Variants in NRG1 observed in about 807,000 individuals in gnomAD.
NRG1 encodes pro-neuregulin-1, membrane-bound isoform.
In NRG1, 18 loss-of-function variants were observed where a neutral mutation model predicts 63.8. The observed-to-expected ratio is 0.28, with a 90% CI of 0.19 to 0.42. The LOEUF (loss-of-function observed/expected upper bound fraction) is 0.42. Ranked by LOEUF, NRG1 falls within the 10% of genes least tolerant of loss-of-function variation. NRG1 has a pLI of 1.00. For synonymous variants in NRG1, 302 were observed against 301.3 expected, an observed-to-expected ratio of 1.00 and a Z score of -0.02; for missense variants, 762 against 814.7, an observed-to-expected ratio of 0.94 and a Z score of 0.79.
At chr8:32,617,001 G>A (rs537432736) in intron 5 of NRG1, 116 bp downstream of exon 5, 1 of 753,548 alleles carries the variant, frequency 1.3e-6, no homozygotes, top group South Asian at 1.6e-5. Context: ...ATTGAGTTTG[G>A]CAATAGGTGG....
chr8:31,728,915 C>T (rs772144131), intron 1 of NRG1, among the ~76,000 whole-genome samples: 1 of 151,906 alleles, frequency 6.6e-6, no homozygotes, highest in African/African-American at 2.4e-5. Flanking sequence ...TTTGGTGAGC[C>T]AAAGAGAACA....
Position 32,183,498 on chromosome 8 carries a change from G to T in NRG1, c.38-412330G>T, listed in dbSNP as rs148093049. Among the ~76,000 whole-genome samples the T allele has an allele frequency of 3.9e-5, 6 of 152,294 alleles. No homozygotes were observed. The East Asian group carries it at 1.2e-3, about 29-fold the overall frequency. On this transcript the variant is annotated intron_variant, in intron 1 of 10. Transcript: ENST00000519301. Reference sequence around the variant, plus strand: ...ATGAAGCAGCTAAGTCAAATCGATAGTGACAGCCAGTGAACGCATGTAAAT... The same window carrying T: ...ATGAAGCAGCTAAGTCAAATCGATATTGACAGCCAGTGAACGCATGTAAAT...
At chr8:31,941,395 C>A (rs1264556255) in intron 1 of NRG1, among the ~76,000 whole-genome samples, 3 of 152,030 alleles carry the variant, frequency 2.0e-5, no homozygotes, top group Non-Finnish European at 4.4e-5. Context: ...AAGGGTCATA[C>A]CTTAAGGTAA....
At chr8:32,493,978 C>T (rs1028332826) in intron 1 of NRG1, among the ~76,000 whole-genome samples, 1 of 151,994 alleles carries the variant, frequency 6.6e-6, no homozygotes, top group Non-Finnish European at 1.5e-5. Flanking sequence ...AAAGGAAACA[C>T]AAAAATGATT....
chr8:32,437,424 C>A (rs1818930149), intron 1 of NRG1, among the ~76,000 whole-genome samples: 1 of 152,138 alleles, frequency 6.6e-6, no homozygotes, highest in Non-Finnish European at 1.5e-5. Flanking sequence ...AATTCCTTGA[C>A]AGAAAGGATA....
chr8:31,769,014 T>G (rs1363190237), intron 1 of NRG1, among the ~76,000 whole-genome samples: 3 of 152,110 alleles, frequency 2.0e-5, no homozygotes, highest in Non-Finnish European at 4.4e-5. Flanking sequence ...AAACATCACA[T>G]TATAAAAAAA....
intron 1 of NRG1, among the ~76,000 whole-genome samples, chr8:31,840,530 A>T (rs1045390109): frequency 3.9e-5 from 6 of 152,104 alleles, no homozygotes; most frequent in African/African-American, 1.4e-4. Context: ...GCTACCTTGT[A>T]GTAAACAGGA....
chr8:31,902,419 C>A (rs1424692216), intron 1 of NRG1, among the ~76,000 whole-genome samples: 2 of 152,136 alleles, frequency 1.3e-5, no homozygotes, highest in East Asian at 3.9e-4. Context: ...TTGTACACAT[C>A]AACTCTGATT....
intron 1 of NRG1, among the ~76,000 whole-genome samples, chr8:31,749,365 C>T (rs989129426): frequency 5.3e-4 from 81 of 151,458 alleles, no homozygotes; most frequent in African/African-American, 1.8e-3. Context: ...TTTCTTAATC[C>T]TCCTAGATAT....
At chr8:31,757,430 C>T (rs979571446) in intron 1 of NRG1, among the ~76,000 whole-genome samples, 50 of 152,064 alleles carry the variant, frequency 3.3e-4, no homozygotes, top group African/African-American at 1.2e-3. Context: ...TCCACTAAAT[C>T]AGGACATTAG....
At chr8:31,739,294 T>C (rs1384316409) in intron 1 of NRG1, among the ~76,000 whole-genome samples, 2 of 152,040 alleles carry the variant, frequency 1.3e-5, no homozygotes, top group Non-Finnish European at 2.9e-5. Flanking sequence ...TCATGGAATG[T>C]TATCTCACAC....
At chr8:31,940,986 G>A (rs1295457004) in intron 1 of NRG1, among the ~76,000 whole-genome samples, 2 of 152,028 alleles carry the variant, frequency 1.3e-5, no homozygotes, top group African/African-American at 4.8e-5. Flanking sequence ...AGAAGAATTG[G>A]TACCAATCCT....
At chr8:32,219,669 TA>T (rs1222359887) in intron 1 of NRG1, among the ~76,000 whole-genome samples, 1 of 152,212 alleles carries the variant, frequency 6.6e-6, no homozygotes, top group Non-Finnish European at 1.5e-5. Context: ...ATCTAAATCT[TA>T]AAGAAACAGT....
intron 1 of NRG1, among the ~76,000 whole-genome samples, chr8:32,052,731 C>T (rs887570797): frequency 6.6e-6 from 1 of 152,100 alleles, no homozygotes; most frequent in Admixed American, 6.6e-5. Context: ...AGAGTGCTAG[C>T]TGTAATGGGT....
chr8:31,991,060 G>T (rs1810977495), intron 1 of NRG1, among the ~76,000 whole-genome samples: 1 of 152,030 alleles, frequency 6.6e-6, no homozygotes, highest in African/African-American at 2.4e-5. Context: ...AATGTTAATA[G>T]CCTCCATCAC....
At chr8:32,600,295 A>T (rs993412648) in intron 2 of NRG1, among the ~76,000 whole-genome samples, 9 of 151,180 alleles carry the variant, frequency 6.0e-5, no homozygotes, top group Non-Finnish European at 1.0e-4. Context: ...TTTCACGATG[A>T]TCAGTTTTAC....
chr8:32,375,687 T>C (rs1348036700), intron 1 of NRG1, among the ~76,000 whole-genome samples: 1 of 152,216 alleles, frequency 6.6e-6, no homozygotes, highest in Non-Finnish European at 1.5e-5. Context: ...TCTCAAGAAG[T>C]CCTGCAACTG....
intron 1 of NRG1, among the ~76,000 whole-genome samples, chr8:32,045,702 T>G (rs1820889881): frequency 6.6e-6 from 1 of 151,930 alleles, no homozygotes; most frequent in Non-Finnish European, 1.5e-5. Flanking sequence ...AGCAACTTAC[T>G]GCAGAAAGGG....
chr8:31,759,647 G>A (rs1817330243), intron 1 of NRG1, among the ~76,000 whole-genome samples: 1 of 151,964 alleles, frequency 6.6e-6, no homozygotes, highest in Admixed American at 6.6e-5. Flanking sequence ...GTTAGCATAC[G>A]TTCTCTAACT....
Sources: gnomAD v4.1 joint callset for allele counts (sites outside exome capture counted in the v4.1 genomes callset) on GRCh38, gnomAD v4.1.1 for gene constraint, MANE v1.5 for transcripts, NCBI Gene and HGNC (gene_info 2026-07-23, HGNC 2026-07-21) for gene names.